The following HPSE2 variants were observed in gnomAD, a reference collection of about 807,000 sequenced individuals.
HPSE2 encodes inactive heparanase-2.
Under a neutral mutation model 60.5 loss-of-function variants are expected in HPSE2, and 38 were observed. The observed-to-expected ratio is 0.63, with a 90% CI of 0.48 to 0.82. The LOEUF is 0.82. Ranked by LOEUF, HPSE2 falls within the 40% of genes least tolerant of loss-of-function variation. The pLI is 0.00. For missense variants in HPSE2, 713 were observed against 740.4 expected, an observed-to-expected ratio of 0.96 and a Z score of 0.43; for synonymous variants, 295 against 293.2, an observed-to-expected ratio of 1.01 and a Z score of -0.06.
intron 6 of HPSE2, among the ~76,000 whole-genome samples, chr10:98,644,402 G>A (rs570342325): frequency 1.4e-4 from 22 of 152,310 alleles, no homozygotes; most frequent in African/African-American, 3.4e-4. Flanking sequence ...CATGCTATCC[G>A]CTGTAGAACT....
At chr10:98,872,987 T>G (rs766966510) in intron 3 of HPSE2, among the ~76,000 whole-genome samples, 2 of 152,118 alleles carry the variant, frequency 1.3e-5, no homozygotes, top group Non-Finnish European at 2.9e-5. Context: ...AGCATCTGCT[T>G]GCTCTGTTTA....
At chr10:99,287,085 C>T in the HPSE2 span, among the ~76,000 whole-genome samples, 1 of 152,100 alleles carries the variant, frequency 6.6e-6, no homozygotes, top group African/African-American at 2.4e-5. Flanking sequence ...GCATCTAGTA[C>T]AGAACCTTCC....
At chr10:99,291,848 A>G in the HPSE2 span, among the ~76,000 whole-genome samples, 1 of 152,108 alleles carries the variant, frequency 6.6e-6, no homozygotes, top group Non-Finnish European at 1.5e-5. Context: ...TTAGTTATTT[A>G]GTTATAAAAG....
At chr10:98,654,266 T>C (rs1398599040) in intron 6 of HPSE2, among the ~76,000 whole-genome samples, 1 of 152,218 alleles carries the variant, frequency 6.6e-6, no homozygotes, top group Non-Finnish European at 1.5e-5. Context: ...AGTTCTCTGC[T>C]ATTATTACTT....
chr10:98,790,003 TC>T (rs1950621788), intron 3 of HPSE2, among the ~76,000 whole-genome samples: 2 of 152,068 alleles, frequency 1.3e-5, no homozygotes, highest in South Asian at 4.2e-4. Context: ...AAAGGCTGAG[TC>T]AGGATAGAGT....
At chr10:98,920,217 A>G (rs1954242982) in intron 3 of HPSE2, among the ~76,000 whole-genome samples, 1 of 152,110 alleles carries the variant, frequency 6.6e-6, no homozygotes, top group South Asian at 2.1e-4. Flanking sequence ...TTGCTTAAAG[A>G]CTTCTGTTCC....
intron 9 of HPSE2, among the ~76,000 whole-genome samples, chr10:98,608,008 T>C (rs1022331455): frequency 6.6e-6 from 1 of 152,208 alleles, no homozygotes; most frequent in African/African-American, 2.4e-5. Context: ...TGGTAAAAGA[T>C]ACATATTCAT....
chr10:98,694,008 A>G, intron 5 of HPSE2, 61 bp from the exon 6 acceptor site: 2 of 1,303,138 alleles, frequency 1.5e-6, no homozygotes, highest in Non-Finnish European at 2.2e-6. Context: ...CCCCTAAATC[A>G]AAAGGAAATA....
intron 11 of HPSE2, among the ~76,000 whole-genome samples, chr10:98,469,003 T>C (rs1054658811): frequency 1.3e-5 from 2 of 152,112 alleles, no homozygotes; most frequent in African/African-American, 4.8e-5. Context: ...ACCAGGACCC[T>C]TTATACAAGG....
At chr10:98,790,147 G>A (rs1259462375) in intron 3 of HPSE2, among the ~76,000 whole-genome samples, 1 of 152,062 alleles carries the variant, frequency 6.6e-6, no homozygotes, top group Non-Finnish European at 1.5e-5. Flanking sequence ...ATAATGAAGT[G>A]ACTGACAGAA....
rs183642697 is a variant in HPSE2, at chr10:98,531,843, T to A, written c.1321-41647A>T. On this transcript the variant is annotated intron_variant, in intron 9 of 11. Coordinates refer to ENST00000370552, the MANE Select transcript of HPSE2 (RefSeq NM_021828.5). ...TACCAACTGTGTGACCCTTAGCAAG[T>A]TACTTTATCTCTCTGTGTGTCAATT... Among the ~76,000 whole-genome samples the A allele has an allele frequency of 5.3e-5, 8 of 152,286 alleles. No homozygotes were observed. The East Asian group carries it at 1.5e-3, about 29-fold the overall frequency.
intron 3 of HPSE2, among the ~76,000 whole-genome samples, chr10:98,830,873 A>T (rs1452234726): frequency 2.0e-5 from 3 of 152,192 alleles, no homozygotes; most frequent in Admixed American, 2.0e-4. Context: ...TTTGATTCAC[A>T]ATAGTCCATG....
chr10:99,129,241 C>T (rs145774273), intron 3 of HPSE2, among the ~76,000 whole-genome samples: 18 of 152,208 alleles, frequency 1.2e-4, no homozygotes, highest in African/African-American at 4.1e-4. Flanking sequence ...TACAGAAAGA[C>T]AACAAAGAAA....
chr10:98,961,459 C>T (rs375083213), intron 3 of HPSE2, among the ~76,000 whole-genome samples: 5 of 39,304 alleles, frequency 1.3e-4, no homozygotes, highest in African/African-American at 5.4e-4. Flanking sequence ...TGATATCTCA[C>T]AGTGGTTTTG....
At chr10:98,551,817 C>T (rs1439175856) in intron 9 of HPSE2, among the ~76,000 whole-genome samples, 1 of 152,168 alleles carries the variant, frequency 6.6e-6, no homozygotes, top group Non-Finnish European at 1.5e-5. Context: ...ATTGATACAG[C>T]ACTGTATCCC....
intron 3 of HPSE2, among the ~76,000 whole-genome samples, chr10:99,098,384 A>G (rs376538348): frequency 2.6e-5 from 4 of 152,220 alleles, no homozygotes; most frequent in African/African-American, 4.8e-5. Context: ...TTTGGTATCA[A>G]TAAGGGTCCT....
intron 3 of HPSE2, among the ~76,000 whole-genome samples, chr10:98,752,918 G>A (rs541783640): frequency 2.6e-5 from 4 of 152,242 alleles, no homozygotes; most frequent in South Asian, 2.1e-4. Flanking sequence ...AGGACAGTAC[G>A]TGAAGTGAAA....
chr10:99,207,327 T>C (rs745949045), intron 2 of HPSE2, among the ~76,000 whole-genome samples: 52 of 152,084 alleles, frequency 3.4e-4, no homozygotes, highest in Non-Finnish European at 6.2e-4. Flanking sequence ...AAATAAAAGA[T>C]AGACAGACTT....
In HPSE2 at chr10:98,487,552, A is replaced by G. The variant is rs573592382; in HGVS notation, c.1466+2499T>C. 2.6e-5 allele frequency among the ~76,000 whole-genome samples: 4 copies of G among 152,372 alleles called. No individual in the cohort carries two copies. The South Asian group carries it at 8.3e-4, about 32-fold the overall frequency. On this transcript the variant is annotated intron_variant, in intron 10 of 11. Transcript: ENST00000370552. ...GATACCGTAGAACCTTTGAAATTCA[A>G]TAAAATAAGTGCAAATATCTGGAAA...
Sources: gnomAD v4.1 joint callset for allele counts (sites outside exome capture counted in the v4.1 genomes callset) on GRCh38, gnomAD v4.1.1 for gene constraint, MANE v1.5 for transcripts, NCBI Gene and HGNC (gene_info 2026-07-23, HGNC 2026-07-21) for gene names.